The following DACT2 variants were observed in gnomAD, a reference collection of about 807,000 sequenced individuals.
DACT2 encodes the protein dishevelled binding antagonist of beta catenin 2.
A neutral mutation model predicts 22.2 loss-of-function variants in DACT2; 20 were observed. The ratio of observed to expected loss-of-function variants is 0.90; its 90% CI spans 0.63 to 1.31. The LOEUF (loss-of-function observed/expected upper bound fraction) is 1.31. DACT2 is among the 50% of genes most tolerant of loss of function. The pLI is 0.00. For missense variants in DACT2, 1,048 were observed against 1,061.4 expected (o/e 0.99, Z 0.18); for synonymous variants, 463 against 479.8 (o/e 0.96, Z 0.46).
intron 1 of DACT2, among the ~76,000 whole-genome samples, chr6:168,311,638 A>G (rs28627011): frequency 2.0e-5 from 3 of 150,350 alleles, no homozygotes; most frequent in Non-Finnish European, 4.4e-5. Flanking sequence ...CCATCCACAC[A>G]CACACACTCA....
At chr6:168,297,339 A>T (rs986145141) in intron 3 of DACT2, among the ~76,000 whole-genome samples, 1 of 152,202 alleles carries the variant, frequency 6.6e-6, no homozygotes, top group African/African-American at 2.4e-5. Context: ...ACTATCCCCA[A>T]TTGTCCGGGT....
chr6:168,299,152 A>T (rs1340478127), intron 3 of DACT2: 1 of 152,204 alleles, frequency 6.6e-6, no homozygotes, highest in Non-Finnish European at 1.5e-5. Flanking sequence ...TATATGTGGA[A>T]AATTATATGT....
rs1359711638 is a variant in DACT2 at position 168,307,017 on chromosome 6, G to A, written c.*415C>T. On this transcript the variant is annotated 3_prime_UTR_variant, in exon 4 of 4. Transcript: ENST00000366795. This position sits in a 1 kb window ranked among gnomAD's most constrained non-coding sequence, Gnocchi z 5.3. Reference sequence around the variant, plus strand: ...AAACTCAAATTCAATTTCCAGCTCAGAGTCCTGCAACCGCCTCTTTAAAAT... The same window carrying A: ...AAACTCAAATTCAATTTCCAGCTCAAAGTCCTGCAACCGCCTCTTTAAAAT... 1 of 1,006,524 alleles carries A rather than the reference G, an allele frequency of 9.9e-7. No individual in the cohort carries two copies. Among genetic ancestry groups the A allele is most frequent in the African/African-American group, 1.7e-5 (1 of 57,806 alleles). 62.3% of individuals were successfully genotyped at this position (1,006,524 alleles called of 1,614,324 possible).
Position 168,319,565 on chromosome 6 carries a change from G to A in DACT2, c.69C>T (p.Arg23=), listed in dbSNP as rs559807882. Residue 23 remains arginine, a synonymous_variant, in exon 1 of 4, where the codon CGC becomes CGT. Transcript: ENST00000366795. ...GCTCCTGCAGCCCCGCGAACGCCGC[G>A]CGCAACCTCGCGCCCAACCTACGGC... is the stretch of plus-strand genomic sequence containing the variant. ...WDRRRLGARL[R]AAFAGLQELQ... The A allele has an allele frequency of 2.7e-4, 368 of 1,376,838 alleles. No individual in the cohort carries two copies. The African/African-American group carries it at 5.2e-3, about 19-fold the overall frequency. The allele number at this position is 1,376,838 out of a possible 1,614,324, so 85.3% of individuals were successfully genotyped here. A position where few individuals can be genotyped will look rare whatever the true frequency, so the allele number is the denominator to read the frequency against.
intron 3 of DACT2, among the ~76,000 whole-genome samples, chr6:168,301,737 T>C (rs1000454644): frequency 6.6e-6 from 1 of 152,190 alleles, no homozygotes; most frequent in Admixed American, 6.5e-5. Context: ...GTTGTGAGCA[T>C]CTCTGCCTGC....
In DACT2 at chr6:168,315,173, C is replaced by T. The variant is rs533017012; in HGVS notation, c.247-3889G>A. Among the ~76,000 whole-genome samples the T allele has an allele frequency of 5.3e-5, 8 of 152,340 alleles. No individual in the cohort carries two copies. In the South Asian group the frequency reaches 1.4e-3, roughly 28 times the overall value. On this transcript the variant is annotated intron_variant, in intron 1 of 3. Coordinates refer to ENST00000366795, the MANE Select transcript of DACT2 (RefSeq NM_214462.5). Reference sequence around the variant, plus strand: ...CAGAACAAGTCATGACCAGCCATGTCAAGACGGGGAAATTCTTCAGGATAA... The same window carrying T: ...CAGAACAAGTCATGACCAGCCATGTTAAGACGGGGAAATTCTTCAGGATAA...
intron 3 of DACT2, among the ~76,000 whole-genome samples, chr6:168,296,097 G>C (rs9456042): frequency 1.1e-4 from 10 of 94,872 alleles, no homozygotes; most frequent in African/African-American, 6.6e-4. Context: ...CCCAGAATCA[G>C]GGAAAGAGTG....
chr6:168,294,569 G>GTATATATA (rs1778973600), intron 4 of DACT2: 1 of 507,060 alleles, frequency 2.0e-6, no homozygotes, highest in African/African-American at 5.3e-5. Flanking sequence ...GTATGTGTGT[G>GTATATATA]TGTGTGTGTA....
rs1366708572 is a variant in DACT2 at position 168,311,268 on chromosome 6, T to G, written c.263A>C (p.Gln88Pro). The change falls in exon 2 of 4, where the codon CAG (glutamine) becomes CCG (proline). Residue 88 changes from glutamine (Q) to proline (P), a missense_variant. Transcript: ENST00000366795. ...LQEQLSRLRQ[Q>P]DIGLKTHLDQ... ...CAGGTGGGTCTTCAGGCCGATGTCC[T>G]GTTGTCTCAGCCGGGACTGAGAAGG... 6.5e-7 allele frequency: 1 copy of G among 1,548,624 alleles called. No individual in the cohort carries two copies. Among genetic ancestry groups the G allele is most frequent in the Middle Eastern group, 1.7e-4 (1 of 5,990 alleles).
Position 168,307,552 on chromosome 6 carries a change from G to C in DACT2, c.2205C>G (p.Val735=). 1 of 1,551,328 alleles carries C rather than the reference G, an allele frequency of 6.4e-7. No homozygotes were observed. Among genetic ancestry groups the C allele is most frequent in the Non-Finnish European group, 8.7e-7 (1 of 1,146,898 alleles). Residue 735 remains valine (V), a synonymous_variant, in exon 4 of 4, where the codon GTC becomes GTG. Coordinates refer to ENST00000366795, the MANE Select transcript of DACT2 (RefSeq NM_214462.5). This position sits in a 1 kb window ranked among gnomAD's most constrained non-coding sequence, Gnocchi z 5.3. ...CGGGGGACAGGAGTGGCCCCGAGCT[G>C]ACCGGGGCCTCCTGGGTCCAGGCCA... ...AELAWTQEAP[V]SSGPLLSPVP...
At chr6:168,315,926 A>G (rs568877081) in intron 1 of DACT2, among the ~76,000 whole-genome samples, 142 of 152,190 alleles carry the variant, frequency 9.3e-4, no homozygotes, top group African/African-American at 3.0e-3. Context: ...AACTGCTATC[A>G]CTCCTAATGT....
At chr6:168,302,412 G>C (rs549563754), downstream of DACT2, among the ~76,000 whole-genome samples, 1 of 152,208 alleles carries the variant, frequency 6.6e-6, no homozygotes, top group Admixed American at 6.5e-5. Flanking sequence ...TACATAACCT[G>C]TTTTCAGAGA....
chr6:168,303,507 T>C (rs781205832), downstream of DACT2, among the ~76,000 whole-genome samples: 5 of 152,236 alleles, frequency 3.3e-5, no homozygotes, highest in Non-Finnish European at 7.3e-5. Flanking sequence ...TCTCACCATG[T>C]GTCTCTTTAC....
intron 3 of DACT2, 93 bp from the exon 4 acceptor site, chr6:168,309,191 G>A (rs113535290): frequency 3.4e-5 from 49 of 1,435,772 alleles, no homozygotes; most frequent in Non-Finnish European, 3.9e-5. Context: ...GGATGGAAAC[G>A]CTGCTCATTC....
Position 168,307,770 on chromosome 6 carries a change from G to T in DACT2, c.1987C>A (p.Pro663Thr). 6.5e-7 allele frequency: 1 copy of T among 1,545,870 alleles called. No individual in the cohort carries two copies. The change falls in exon 4 of 4, where the codon CCC (proline) becomes ACC (threonine). Residue 663 changes from proline to threonine, a missense_variant. Transcript: ENST00000366795. This position sits in a 1 kb window ranked among gnomAD's most constrained non-coding sequence, Gnocchi z 5.3. ...QDAYTRSDSE[P>T]SKHSAECDPR... Reference sequence around the variant, plus strand: ...TCACACTCGGCCGAGTGCTTGGAGGGCTCTGAGTCGCTCCTGGTGTAGGCG... The same window carrying T: ...TCACACTCGGCCGAGTGCTTGGAGGTCTCTGAGTCGCTCCTGGTGTAGGCG...
intron 1 of DACT2, among the ~76,000 whole-genome samples, chr6:168,312,886 G>T (rs1779455246): frequency 6.6e-6 from 1 of 152,178 alleles, no homozygotes; most frequent in African/African-American, 2.4e-5. Flanking sequence ...TGACTTCTCA[G>T]ATTTTCCAAA....
At chr6:168,293,925 G>C in exon 6 of DACT2, 1 of 703,466 alleles carries the variant, frequency 1.4e-6, no homozygotes, top group Non-Finnish European at 2.6e-6. Context: ...TGATGATTTT[G>C]TCTTTGAACT....
At position 168,307,390 on chromosome 6, in the gene DACT2, C is replaced by T. The variant is rs1209331348; in HGVS notation, c.*42G>A. On this transcript the variant is annotated 3_prime_UTR_variant, in exon 4 of 4. Transcript: ENST00000366795. The surrounding 1 kb of genome is among the most constrained non-coding windows in gnomAD (Gnocchi z 5.3). ...TGCACAGGACACTGCATGGAAAGGGCCCCTGTGTGCAGCAGGCTTCTCTTG... is the reference window on the plus strand; with the variant it reads ...TGCACAGGACACTGCATGGAAAGGGTCCCTGTGTGCAGCAGGCTTCTCTTG... The T allele has an allele frequency of 2.6e-6, 4 of 1,547,600 alleles. No homozygotes were observed. Among genetic ancestry groups the T allele is most frequent in the Non-Finnish European group, 3.5e-6 (4 of 1,145,384 alleles).
intron 2 of DACT2, 30 bp from the exon 3 acceptor site, chr6:168,310,476 AC>A (rs1779370066): frequency 2.6e-6 from 4 of 1,529,780 alleles, no homozygotes; most frequent in Non-Finnish European, 2.6e-6. Flanking sequence ...CAGGTCAGTG[AC>A]CCCCATCCAG....
Sources: allele counts gnomAD v4.1 joint callset (sites outside exome capture counted in the v4.1 genomes callset), GRCh38; gene constraint gnomAD v4.1.1; non-coding constraint Gnocchi (gnomAD v3.1); transcripts MANE v1.5; gene names NCBI Gene and HGNC (gene_info 2026-07-23, HGNC 2026-07-21).